Variants in GLDC observed in about 807,000 individuals in gnomAD.
GLDC encodes glycine dehydrogenase (decarboxylating), mitochondrial.
GLDC carries 104 observed loss-of-function variants against 121.3 expected under a neutral mutation model. The ratio of observed to expected loss-of-function variants is 0.86; its 90% CI spans 0.73 to 1.01. GLDC has a LOEUF of 1.01. Among genes scored for constraint, GLDC ranks in the 50% least tolerant of loss-of-function variants. GLDC has a pLI of 0.00. For missense variants in GLDC, 1,429 were observed against 1,306.6 expected, an observed-to-expected ratio of 1.09 and a Z score of -1.44; for synonymous variants, 546 against 480.6, an observed-to-expected ratio of 1.14 and a Z score of -1.78.
Position 6,604,588 on chromosome 9 carries a change from C to T in GLDC, c.1058G>A (p.Arg353Lys). The change falls in exon 7 of 25, where the codon AGA (arginine) becomes AAA (lysine). Residue 353 changes from arginine (R) to lysine (K), a missense_variant and splice_region_variant. Coordinates refer to ENST00000321612, the MANE Select transcript of GLDC (RefSeq NM_000170.3). The stretch of plus-strand genomic sequence containing the variant: ...AGTAGAGAAACATGAGCCCCTTTAC[C>T]TTGTTACCCCCACCATTCTTCCAGG... The part of the protein sequence containing the change: ...MMPGRMVGVT[R>K]DATGKEVYRL... 6.2e-7 allele frequency: 1 copy of T among 1,611,110 alleles called. No individual in the cohort carries two copies. The highest frequency in any genetic ancestry group is 8.5e-7 in the Non-Finnish European group (1 of 1,178,874).
chr9:6,569,016 A>G (rs2129770859), intron 15 of GLDC: 2 of 152,350 alleles, frequency 1.3e-5, no homozygotes, highest in Middle Eastern at 3.4e-3. Flanking sequence ...TAGACCAGAA[A>G]AAGTAGAACA....
At chr9:6,608,443 A>G (rs571124466) in intron 4 of GLDC, among the ~76,000 whole-genome samples, 23 of 147,402 alleles carry the variant, frequency 1.6e-4, no homozygotes, top group Non-Finnish European at 3.1e-4. Context: ...AATAATTAAA[A>G]CAAATAAATT....
intron 15 of GLDC, among the ~76,000 whole-genome samples, chr9:6,584,174 G>A (rs1377559804): frequency 6.6e-6 from 1 of 152,192 alleles, no homozygotes; most frequent in African/African-American, 2.4e-5. Context: ...AAAACTTTTT[G>A]TGACTACAGA....
intron 7 of GLDC, among the ~76,000 whole-genome samples, chr9:6,603,446 CA>C (rs1818659613): frequency 6.6e-6 from 1 of 151,538 alleles, no homozygotes. Context: ...CCTGTTTTTA[CA>C]AAAAATTTAA....
chr9:6,582,336 C>T (rs1180448644), intron 15 of GLDC, among the ~76,000 whole-genome samples: 7 of 149,330 alleles, frequency 4.7e-5, no homozygotes, highest in African/African-American at 5.0e-5. Context: ...TTGGCCAACA[C>T]GGCGAAACCC....
At chr9:6,639,232 G>A in intron 2 of GLDC, 2 of 911,752 alleles carry the variant, frequency 2.2e-6, no homozygotes, top group Non-Finnish European at 1.8e-6. Context: ...GTGTTGAAAG[G>A]TGTCCACAGC....
chr9:6,575,212 A>G (rs1340518724), intron 15 of GLDC, among the ~76,000 whole-genome samples: 1 of 149,522 alleles, frequency 6.7e-6, no homozygotes, highest in Admixed American at 6.7e-5. Flanking sequence ...TCTCAAAAGA[A>G]GCAAAAAAAA....
intron 8 of GLDC, among the ~76,000 whole-genome samples, chr9:6,600,001 C>T (rs13283770): frequency 2.6e-5 from 4 of 152,104 alleles, no homozygotes; most frequent in Non-Finnish European, 4.4e-5. Flanking sequence ...CGCCAAAGCC[C>T]TGAGACGAAA....
rs375066860 is a variant in GLDC, at chr9:6,565,586, C to A, written c.1851-157G>T. 1,000 of 713,280 alleles carry A rather than the reference C, an allele frequency of 1.4e-3. 2 individuals are homozygous for A. Among genetic ancestry groups the A allele is most frequent in the Non-Finnish European group, 2.1e-3 (813 of 386,870 alleles). 44.2% of individuals were successfully genotyped at this position (713,280 alleles called of 1,614,324 possible). On this transcript the variant is annotated intron_variant, in intron 15 of 24. Transcript: ENST00000321612. Reference sequence around the variant, plus strand: ...GCTCATCAAGGAGCTCTGCTGGAGTCAAAAGGTCTTGAACAATCAAAACAA... The same window carrying A: ...GCTCATCAAGGAGCTCTGCTGGAGTAAAAAGGTCTTGAACAATCAAAACAA...
intron 2 of GLDC, among the ~76,000 whole-genome samples, chr9:6,629,958 T>TATATATATATATATGTATATATATATA: frequency 8.9e-5 from 7 of 78,674 alleles, no homozygotes; most frequent in South Asian, 4.3e-4. Flanking sequence ...TATATATATA[T>TATATATATATATATGTATATATATATA]TTTTTTTTTT....
At position 6,645,118 on chromosome 9, in the gene GLDC, C is replaced by G. The variant is rs563743707; in HGVS notation, c.255+127G>C. 73 of 963,586 alleles carry G rather than the reference C, an allele frequency of 7.6e-5. No individual in the cohort carries two copies. The African/African-American group carries it at 1.1e-3, about 15-fold the overall frequency. 59.7% of individuals were successfully genotyped at this position (963,586 alleles called of 1,614,324 possible). On this transcript the variant is annotated intron_variant, in intron 1 of 24. Coordinates refer to ENST00000321612, the MANE Select transcript of GLDC (RefSeq NM_000170.3). ...GCACGAATTTGCTTCCACGCCACGG[C>G]CCGGGACCCAGGGTGCGGGGACCAC...
rs116136434 is a variant in GLDC at position 6,596,366 on chromosome 9, C to T, written c.1156-1247G>A. 2.0e-3 allele frequency among the ~76,000 whole-genome samples: 309 copies of T among 152,144 alleles called. 1 individual carries two copies. Among genetic ancestry groups the T allele is most frequent in the African/African-American group, 7.1e-3 (294 of 41,482 alleles). On this transcript the variant is annotated intron_variant, in intron 8 of 24. Transcript: ENST00000321612. ...CACTTTTTAAAAACTTCAAAGGGCA[C>T]TAGAATATCAAAAGAAGAACCAAAA...
At chr9:6,583,857 C>A (rs1818216608) in intron 15 of GLDC, among the ~76,000 whole-genome samples, 2 of 152,062 alleles carry the variant, frequency 1.3e-5, no homozygotes, top group East Asian at 1.9e-4. Context: ...CGCCAGGGGC[C>A]AGGGAAAAAG....
rs1431937960 is a variant in GLDC at position 6,534,861 on chromosome 9, C to T, written c.2839-73G>A. 22 of 807,556 alleles carry T rather than the reference C, an allele frequency of 2.7e-5. 1 individual carries two copies. Among genetic ancestry groups the T allele is most frequent in the African/African-American group, 6.7e-5 (4 of 59,810 alleles). 50.0% of individuals were successfully genotyped at this position (807,556 alleles called of 1,614,324 possible). On this transcript the variant is annotated intron_variant, in intron 23 of 24. Transcript: ENST00000321612. ...TTCTCCTCCTACCCTGCACCTCAAC[C>T]GTCAATCTTCTGACAGGAGCCCAGG...
rs1361528431 is a variant in GLDC at position 6,642,220 on chromosome 9, A to G, written c.334+2394T>C. Among the ~76,000 whole-genome samples, 5 of 152,210 alleles carry G rather than the reference A, an allele frequency of 3.3e-5. No individual in the cohort carries two copies. In the East Asian group the frequency reaches 9.6e-4, roughly 29 times the overall value. On this transcript the variant is annotated intron_variant, in intron 2 of 24. Transcript: ENST00000321612. ...AGATGGAACAAGCTCAAAATGTCAC[A>G]GAAGCTGCTAGGTTTAAAATTTATA...
chr9:6,618,985 T>C (rs1453555927), intron 3 of GLDC, among the ~76,000 whole-genome samples: 1 of 151,284 alleles, frequency 6.6e-6, no homozygotes, highest in African/African-American at 2.4e-5. Context: ...CTACTAAAAA[T>C]GCAAAAAATT....
intron 15 of GLDC, among the ~76,000 whole-genome samples, chr9:6,577,191 C>T (rs1818081603): frequency 6.6e-6 from 1 of 152,236 alleles, no homozygotes; most frequent in South Asian, 2.1e-4. Flanking sequence ...AATCCAGATG[C>T]AGGCCTGAAA....
intron 18 of GLDC, among the ~76,000 whole-genome samples, chr9:6,555,142 T>G (rs1380346180): frequency 2.0e-5 from 3 of 152,248 alleles, no homozygotes; most frequent in Non-Finnish European, 4.4e-5. Context: ...AATAGGCAAC[T>G]CTTCCCTGAG....
At chr9:6,632,868 T>C (rs1819416738) in intron 2 of GLDC, among the ~76,000 whole-genome samples, 1 of 152,164 alleles carries the variant, frequency 6.6e-6, no homozygotes, top group South Asian at 2.1e-4. Context: ...TGACTGATGG[T>C]GGGGTGGAGG....
Sources: gnomAD v4.1 joint callset for allele counts (sites outside exome capture counted in the v4.1 genomes callset) on GRCh38, gnomAD v4.1.1 for gene constraint, MANE v1.5 for transcripts, NCBI Gene and HGNC (gene_info 2026-07-23, HGNC 2026-07-21) for gene names.